The following OR6C76 variants were observed in gnomAD, a reference collection of about 807,000 sequenced individuals.
OR6C76 encodes olfactory receptor family 6 subfamily C member 76.
For missense variants in OR6C76, 352 were observed against 357.3 expected, an observed-to-expected ratio of 0.99 and a Z score of 0.12; for synonymous variants, 140 against 137.8, an observed-to-expected ratio of 1.02 and a Z score of -0.11.
Position 55,426,760 on chromosome 12 carries a change from T to C in OR6C76, c.507T>C (p.Asn169=). ...TACAGCTGGATTTCTGTGACTCCAATGTCATTGACCACTTTACCTGTGACT... is the reference window on the plus strand; with the variant it reads ...TACAGCTGGATTTCTGTGACTCCAACGTCATTGACCACTTTACCTGTGACT... The part of the protein sequence containing the change: ...MGLQLDFCDS[N]VIDHFTCDSA... The change falls in exon 1 of 1, where the codon AAT becomes AAC. Residue 169 remains asparagine, a synonymous_variant. Transcript: ENST00000328314. The C allele has an allele frequency of 1.2e-6, 2 of 1,613,462 alleles. No homozygotes were observed. Among genetic ancestry groups the C allele is most frequent in the Non-Finnish European group, 1.7e-6 (2 of 1,179,816 alleles).
rs1025411583 is a variant in OR6C76, at chr12:55,427,192, A to T, written c.939A>T (p.Ter313CysextTer?). Reference sequence around the variant, plus strand: ...TTTCCCACAAAAAAAAAAAACACTGATTTGAATGCAATTTATAAATGAAAC... The same window carrying T: ...TTTCCCACAAAAAAAAAAAACACTGTTTTGAATGCAATTTATAAATGAAAC... ...RKISHKKKKH[*>C] The change falls in exon 1 of 1, where the codon TGA becomes TGT. Residue 313 changes from the stop codon to cysteine (C), a stop_lost. Transcript: ENST00000328314. The T allele has an allele frequency of 1.3e-6, 2 of 1,520,808 alleles. No homozygotes were observed. Among genetic ancestry groups the T allele is most frequent in the Admixed American group, 2.1e-5 (1 of 47,036 alleles). The allele number at this position is 1,520,808 out of a possible 1,614,324, so 94.2% of individuals were successfully genotyped here. A position where few individuals can be genotyped will look rare whatever the true frequency, so the allele number is the denominator to read the frequency against.
rs779917391 is a variant in OR6C76 at position 55,427,068 on chromosome 12, C to T, written c.815C>T (p.Ala272Val). The T allele has an allele frequency of 1.9e-6, 3 of 1,612,516 alleles. No homozygotes were observed. The South Asian group carries it at 3.3e-5, about 18-fold the overall frequency. The change falls in exon 1 of 1, where the codon GCT becomes GTT. Residue 272 changes from alanine to valine, a missense_variant. Coordinates refer to ENST00000328314, the MANE Select transcript of OR6C76 (RefSeq NM_001005183.1). ...KEGVALTKGVAILNTSVAPML... is the reference protein window; with the variant it reads ...KEGVALTKGVVILNTSVAPML... ...GGAGTTGCTTTGACAAAAGGAGTAG[C>T]TATACTCAATACCTCTGTCGCTCCT...
chr12:55,426,522 C>T lies in OR6C76; in HGVS notation c.269C>T (p.Ser90Phe), dbSNP rs755618466. ...ISILTGDKSI[S>F]YNACAAQLFF... ...ATTCTAACAGGGGACAAATCCATAT[C>T]TTATAATGCTTGTGCAGCTCAGCTA... Residue 90 changes from serine (S) to phenylalanine (F), a missense_variant, in exon 1 of 1, where the codon TCT (serine) becomes TTT (phenylalanine). By Grantham distance (155) the Ser-to-Phe change is radical. Coordinates refer to ENST00000328314, the MANE Select transcript of OR6C76 (RefSeq NM_001005183.1). 16 of 1,613,744 alleles carry T rather than the reference C, an allele frequency of 9.9e-6. No homozygotes were observed.
At position 55,427,016 on chromosome 12, in the gene OR6C76, A is replaced by C. The variant is rs1164201728; in HGVS notation, c.763A>C (p.Met255Leu). 1 of 1,613,610 alleles carries C rather than the reference A, an allele frequency of 6.2e-7. No homozygotes were observed. Among genetic ancestry groups the C allele is most frequent in the East Asian group, 2.2e-5 (1 of 44,858 alleles). The change falls in exon 1 of 1, where the codon ATG becomes CTG. Residue 255 changes from methionine (M) to leucine (L), a missense_variant. Met to Leu is a conservative substitution (Grantham distance 15, BLOSUM62 2). Transcript: ENST00000328314. ...VSISYGSCIF[M>L]YVKTSAKEGV... is the part of the protein sequence containing the mutation. ...TATCTCTTATGGAAGCTGCATCTTC[A>C]TGTATGTGAAAACATCAGCAAAGGA...
Position 55,427,103 on chromosome 12 carries a change from C to A in OR6C76, c.850C>A (p.Pro284Thr), listed in dbSNP as rs1800680019. The A allele has an allele frequency of 1.2e-6, 2 of 1,612,278 alleles. No individual in the cohort carries two copies. The highest frequency in any genetic ancestry group is 1.3e-5 in the African/African-American group (1 of 74,738). ...LNTSVAPMLN[P>T]FIYTLRNQQV... is the part of the protein sequence containing the mutation. ...TACCTCTGTCGCTCCTATGCTGAAT[C>A]CATTTATTTACACTCTAAGAAACCA... Residue 284 changes from proline to threonine, a missense_variant, in exon 1 of 1, where the codon CCA becomes ACA. Transcript: ENST00000328314.
At position 55,426,640 on chromosome 12, in the gene OR6C76, T is replaced by C. The variant is rs748144990; in HGVS notation, c.387T>C (p.Tyr129=). 2.5e-6 allele frequency: 4 copies of C among 1,613,796 alleles called. No homozygotes were observed. The highest frequency in any genetic ancestry group is 2.2e-5 in the East Asian group (1 of 44,874). ...CYVAICKPLH[Y]TTIMSDRICY... is the part of the protein sequence containing the mutation. ...TGGCTATATGTAAGCCTCTGCATTATACAACCATCATGAGTGACAGGATCT... is the reference window on the plus strand; with the variant it reads ...TGGCTATATGTAAGCCTCTGCATTACACAACCATCATGAGTGACAGGATCT... Residue 129 remains tyrosine (Y), a synonymous_variant, in exon 1 of 1, where the codon TAT becomes TAC. Transcript: ENST00000328314.
Position 55,426,825 on chromosome 12 carries a change from CT to C in OR6C76, c.573del (p.Leu192Ter). The C allele has an allele frequency of 6.2e-7, 1 of 1,613,476 alleles. No homozygotes were observed. Among genetic ancestry groups the C allele is most frequent in the South Asian group, 1.1e-5 (1 of 91,046 alleles). On this transcript the variant is annotated frameshift_variant, in exon 1 of 1. Transcript: ENST00000328314. LOFTEE classifies it low-confidence loss of function (END_TRUNC). The part of the protein sequence containing the change: ...LLQISCTDTS[T>X]LELMSFILAL... ...CAAATCTCTTGCACAGACACAAGTACTCTAGAGCTCATGAGCTTTATTTTAG... is the reference window on the plus strand; with the variant it reads ...CAAATCTCTTGCACAGACACAAGTACCTAGAGCTCATGAGCTTTATTTTAG...
Position 55,426,950 on chromosome 12 carries a change from A to C in OR6C76, c.697A>C (p.Lys233Gln), listed in dbSNP as rs1035987665. The C allele has an allele frequency of 6.8e-6, 11 of 1,613,472 alleles. No individual in the cohort carries two copies. The African/African-American group carries it at 8.0e-5, about 12-fold the overall frequency. Residue 233 changes from lysine (K) to glutamine (Q), a missense_variant, in exon 1 of 1, where the codon AAA becomes CAA. Physicochemically the swap from Lys to Gln is moderately conservative, Grantham distance 53 (BLOSUM62 1). Coordinates refer to ENST00000328314, the MANE Select transcript of OR6C76 (RefSeq NM_001005183.1). ...AATCCCCTCAGCACAGCAAAGAAAAAAAGCCTTTTCAACCTGCTCCTCACA... is the reference window on the plus strand; with the variant it reads ...AATCCCCTCAGCACAGCAAAGAAAACAAGCCTTTTCAACCTGCTCCTCACA... ...LRIPSAQQRKKAFSTCSSHVI... is the reference protein window; with the variant it reads ...LRIPSAQQRKQAFSTCSSHVI...
chr12:55,426,761 G>A lies in OR6C76; in HGVS notation c.508G>A (p.Val170Ile), dbSNP rs767899402. The change falls in exon 1 of 1, where the codon GTC becomes ATC. Residue 170 changes from valine to isoleucine, a missense_variant. By Grantham distance (29) the Val-to-Ile change is conservative. Transcript: ENST00000328314. ...GLQLDFCDSN[V>I]IDHFTCDSAP... ...ACAGCTGGATTTCTGTGACTCCAAT[G>A]TCATTGACCACTTTACCTGTGACTC... is the stretch of plus-strand genomic sequence containing the variant. The A allele has an allele frequency of 4.3e-6, 7 of 1,613,232 alleles. 1 individual carries two copies. The highest frequency in any genetic ancestry group is 8.5e-7 in the Non-Finnish European group (1 of 1,179,822).
At position 55,427,174 on chromosome 12, in the gene OR6C76, C is replaced by CAAAA; in HGVS notation, c.930_933dup (p.His312LysfsTer?). 1.5e-6 allele frequency: 2 copies of CAAAA among 1,323,036 alleles called. No homozygotes were observed. The highest frequency in any genetic ancestry group is 2.0e-6 in the Non-Finnish European group (2 of 990,394). 82.0% of individuals were successfully genotyped at this position (1,323,036 alleles called of 1,614,324 possible). A position where few individuals can be genotyped will look rare whatever the true frequency, so the allele number is the denominator to read the frequency against. On this transcript the variant is annotated frameshift_variant, in exon 1 of 1. Transcript: ENST00000328314. LOFTEE classifies it high-confidence loss of function. ...AGGATGTTCTGAGAAAGATTTCCCA[C>CAAAA]AAAAAAAAAAAACACTGATTTGAAT...
rs751413289 is a variant in OR6C76 at position 55,426,924 on chromosome 12, G to C, written c.671G>C (p.Arg224Thr). ...ACTTACATCATCAGAACTATTCTGAGAATCCCCTCAGCACAGCAAAGAAAA... is the reference window on the plus strand; with the variant it reads ...ACTTACATCATCAGAACTATTCTGACAATCCCCTCAGCACAGCAAAGAAAA... ...SYTYIIRTIL[R>T]IPSAQQRKKA... The change falls in exon 1 of 1, where the codon AGA becomes ACA. Residue 224 changes from arginine to threonine, a missense_variant. Arg to Thr is a moderately conservative substitution (Grantham distance 71). Coordinates refer to ENST00000328314, the MANE Select transcript of OR6C76 (RefSeq NM_001005183.1). 2 of 1,613,380 alleles carry C rather than the reference G, an allele frequency of 1.2e-6. No individual in the cohort carries two copies. Among genetic ancestry groups the C allele is most frequent in the Non-Finnish European group, 1.7e-6 (2 of 1,179,698 alleles).
rs755878036 is a variant in OR6C76 at position 55,427,066 on chromosome 12, A to G, written c.813A>G (p.Val271=). 5 of 1,613,080 alleles carry G rather than the reference A, an allele frequency of 3.1e-6. No individual in the cohort carries two copies. The highest frequency in any genetic ancestry group is 4.2e-6 in the Non-Finnish European group (5 of 1,179,462). The change falls in exon 1 of 1, where the codon GTA becomes GTG. Residue 271 remains valine, a synonymous_variant. Transcript: ENST00000328314. ...AKEGVALTKG[V]AILNTSVAPM... is the part of the protein sequence containing the mutation. ...AAGGAGTTGCTTTGACAAAAGGAGT[A>G]GCTATACTCAATACCTCTGTCGCTC...
At position 55,426,931 on chromosome 12, in the gene OR6C76, C is replaced by T; in HGVS notation, c.678C>T (p.Pro226=). ...TCATCAGAACTATTCTGAGAATCCC[C>T]TCAGCACAGCAAAGAAAAAAAGCCT... is the stretch of plus-strand genomic sequence containing the variant. ...TYIIRTILRI[P]SAQQRKKAFS... is the part of the protein sequence containing the mutation. The change falls in exon 1 of 1, where the codon CCC becomes CCT. Residue 226 remains proline, a synonymous_variant. Transcript: ENST00000328314. The T allele has an allele frequency of 1.2e-6, 2 of 1,613,512 alleles. No individual in the cohort carries two copies. Among genetic ancestry groups the T allele is most frequent in the Non-Finnish European group, 1.7e-6 (2 of 1,179,736 alleles).
chr12:55,426,671 C>T lies in OR6C76; in HGVS notation c.418C>T (p.Gln140Ter). 1 of 1,613,714 alleles carries T rather than the reference C, an allele frequency of 6.2e-7. No individual in the cohort carries two copies. The highest frequency in any genetic ancestry group is 8.5e-7 in the Non-Finnish European group (1 of 1,179,824). The change falls in exon 1 of 1, where the codon CAG becomes TAG. Residue 140 changes from glutamine to a stop codon, truncating the protein, a stop_gained. Coordinates refer to ENST00000328314, the MANE Select transcript of OR6C76 (RefSeq NM_001005183.1). LOFTEE classifies it low-confidence loss of function (END_TRUNC). The stretch of plus-strand genomic sequence containing the variant: ...CATCATGAGTGACAGGATCTGTTAT[C>T]AGCTTATAATCAGCTCTTGGCTGGC... ...TTIMSDRICY[Q>*]LIISSWLAGF...
chr12:55,426,852 C>T lies in OR6C76; in HGVS notation c.599C>T (p.Ala200Val). ...CTAGAGCTCATGAGCTTTATTTTAG[C>T]TCTGTTTACTCTTATATCCACTTTG... ...STLELMSFIL[A>V]LFTLISTLIL... Residue 200 changes from alanine to valine, a missense_variant, in exon 1 of 1, where the codon GCT becomes GTT. Coordinates refer to ENST00000328314, the MANE Select transcript of OR6C76 (RefSeq NM_001005183.1). 6.2e-7 allele frequency: 1 copy of T among 1,613,012 alleles called. No homozygotes were observed. Among genetic ancestry groups the T allele is most frequent in the Non-Finnish European group, 8.5e-7 (1 of 1,179,544 alleles).
At position 55,426,395 on chromosome 12, in the gene OR6C76, C is replaced by T. The variant is rs751211319; in HGVS notation, c.142C>T (p.Leu48=). 6.2e-7 allele frequency: 1 copy of T among 1,613,784 alleles called. No individual in the cohort carries two copies. The highest frequency in any genetic ancestry group is 8.5e-7 in the Non-Finnish European group (1 of 1,179,764). ...TGNLTIISLT[L]LDSHLKTPMY... The stretch of plus-strand genomic sequence containing the variant: ...AAATCTAACTATCATCTCCCTTACC[C>T]TGCTGGATTCCCACCTGAAGACCCC... Residue 48 remains leucine (L), a synonymous_variant, in exon 1 of 1, where the codon CTG becomes TTG. Transcript: ENST00000328314.
chr12:55,427,036 A>G lies in OR6C76; in HGVS notation c.783A>G (p.Ala261=). The change falls in exon 1 of 1, where the codon GCA becomes GCG. Residue 261 remains alanine (A), a synonymous_variant. Coordinates refer to ENST00000328314, the MANE Select transcript of OR6C76 (RefSeq NM_001005183.1). ...SCIFMYVKTS[A]KEGVALTKGV... ...TCTTCATGTATGTGAAAACATCAGC[A>G]AAGGAAGGAGTTGCTTTGACAAAAG... The G allele has an allele frequency of 1.2e-6, 2 of 1,613,528 alleles. No individual in the cohort carries two copies. Among genetic ancestry groups the G allele is most frequent in the Non-Finnish European group, 8.5e-7 (1 of 1,179,700 alleles).
In OR6C76 at chr12:55,426,577, G is replaced by A. The variant is rs774485463; in HGVS notation, c.324G>A (p.Glu108=). 40 of 1,613,814 alleles carry A rather than the reference G, an allele frequency of 2.5e-5. No homozygotes were observed. The South Asian group carries it at 4.3e-4, about 17-fold the overall frequency. Residue 108 remains glutamate, a synonymous_variant, in exon 1 of 1, where the codon GAG becomes GAA. Coordinates refer to ENST00000328314, the MANE Select transcript of OR6C76 (RefSeq NM_001005183.1). ...TCTTTATCTTCCTTGGCTCAACGGAGTTTTTCCTCCTGGCCTCTATGTCCT... is the reference window on the plus strand; with the variant it reads ...TCTTTATCTTCCTTGGCTCAACGGAATTTTTCCTCCTGGCCTCTATGTCCT... ...LFFFIFLGST[E]FFLLASMSYD... is the part of the protein sequence containing the mutation.
At position 55,426,438 on chromosome 12, in the gene OR6C76, G is replaced by T. The variant is rs1870971495; in HGVS notation, c.185G>T (p.Arg62Met). ...HLKTPMYFFL[R>M]NFSLEISFTS... ...AAGACCCCCATGTATTTCTTCCTCAGGAATTTCTCCTTGGAAATTTCATTT... is the reference window on the plus strand; with the variant it reads ...AAGACCCCCATGTATTTCTTCCTCATGAATTTCTCCTTGGAAATTTCATTT... Residue 62 changes from arginine to methionine, a missense_variant, in exon 1 of 1, where the codon AGG (arginine) becomes ATG (methionine). Physicochemically the swap from Arg to Met is moderately conservative, Grantham distance 91. Transcript: ENST00000328314. 1 of 1,613,548 alleles carries T rather than the reference G, an allele frequency of 6.2e-7. No individual in the cohort carries two copies. Among genetic ancestry groups the T allele is most frequent in the Admixed American group, 1.7e-5 (1 of 59,920 alleles).
Sources: allele counts gnomAD v4.1 joint callset, GRCh38; gene constraint gnomAD v4.1.1; transcripts MANE v1.5; gene names NCBI Gene and HGNC (gene_info 2026-07-23, HGNC 2026-07-21).